TRPM3: variants seen among roughly 807,000 people sequenced by gnomAD.
The protein encoded by TRPM3 is long transient receptor potential channel 3.
In TRPM3, 77 loss-of-function variants were observed where a neutral mutation model predicts 181.2. The observed-to-expected ratio is 0.42, with a 90% CI of 0.35 to 0.51. The LOEUF (loss-of-function observed/expected upper bound fraction) is 0.51, where lower values mean the gene tolerates loss of function less well. TRPM3 is among the 20% of genes least tolerant of loss of function. The pLI, the probability that TRPM3 is intolerant of heterozygous loss-of-function variation, is 0.01. For synonymous variants in TRPM3, 745 were observed against 796.4 expected, an observed-to-expected ratio of 0.94 and a Z score of 1.09; for missense variants, 1,759 against 2,196.7, an observed-to-expected ratio of 0.80 and a Z score of 3.98.
chr9:71,134,665 C>T (rs2074655685), intron 1 of TRPM3, among the ~76,000 whole-genome samples: 1 of 152,072 alleles, frequency 6.6e-6, no homozygotes, highest in South Asian at 2.1e-4. Context: ...TTCAATCCTG[C>T]ATAATTCAAT....
At chr9:71,217,515 T>A (rs2079967290) in intron 1 of TRPM3, among the ~76,000 whole-genome samples, 1 of 152,222 alleles carries the variant, frequency 6.6e-6, no homozygotes, top group African/African-American at 2.4e-5. Context: ...CCAGAATTTC[T>A]GTCCATGGTA....
rs1206355546 is a variant in TRPM3, at chr9:70,897,121, T to C, written c.178-32610A>G. Among the ~76,000 whole-genome samples, 3 of 145,946 alleles carry C rather than the reference T, an allele frequency of 2.1e-5. No homozygotes were observed. In the East Asian group the frequency reaches 5.8e-4, roughly 28 times the overall value. ...ATTCCAGATTTTTTCTTTTAGCTATTTTGAAATATACAATAAATTCTTGTT... is the reference window on the plus strand; with the variant it reads ...ATTCCAGATTTTTTCTTTTAGCTATCTTGAAATATACAATAAATTCTTGTT... On this transcript the variant is annotated intron_variant, in intron 1 of 25. Transcript: ENST00000677713.
At position 70,611,218 on chromosome 9, in the gene TRPM3, A is replaced by G. The variant is rs2061949429; in HGVS notation, c.2527-469T>C. Among the ~76,000 whole-genome samples the G allele has an allele frequency of 2.6e-5, 4 of 151,800 alleles. No homozygotes were observed. In the Middle Eastern group the frequency reaches 0.01, roughly 387 times the overall value. ...TACCTAATTTATCCAAAGGTTGTGA[A>G]TACTCAAGAGGTAAATTATCTGCTG... is the stretch of plus-strand genomic sequence containing the variant. On this transcript the variant is annotated intron_variant, in intron 18 of 25. Transcript: ENST00000677713.
In TRPM3 at chr9:70,531,319, C is replaced by CA. The variant is rs1373751337; in HGVS notation, c.*4633_*4634insT. 2 of 151,520 alleles carry CA rather than the reference C, an allele frequency of 1.3e-5. No homozygotes were observed. Among genetic ancestry groups the CA allele is most frequent in the African/African-American group, 4.9e-5 (2 of 41,236 alleles). 9.4% of individuals were successfully genotyped at this position (151,520 alleles called of 1,614,324 possible). A position where few individuals can be genotyped will look rare whatever the true frequency, so the allele number is the denominator to read the frequency against. On this transcript the variant is annotated 3_prime_UTR_variant, in exon 26 of 26. Transcript: ENST00000677713. ...AAAAGATTTAAAAATCCCTTGGTTA[C>CA]TTTTTTTTTGTTTTTAATTTTTCAA...
chr9:70,966,901 G>T (rs1385966281), intron 1 of TRPM3, among the ~76,000 whole-genome samples: 1 of 151,932 alleles, frequency 6.6e-6, no homozygotes. Context: ...GTTTAAAAAT[G>T]ATATTTTAAA....
rs542814969 is a variant in TRPM3, at chr9:71,409,080, G to A, written c.183+37573C>T. On this transcript the variant is annotated intron_variant, in intron 1 of 24. Transcript: ENST00000357533. ...TGCTGAGCGATTTTGTCACCACCAGGCATGCCCTATAAGAGCTCTTGAAGG... is the reference window on the plus strand; with the variant it reads ...TGCTGAGCGATTTTGTCACCACCAGACATGCCCTATAAGAGCTCTTGAAGG... Among the ~76,000 whole-genome samples, 9 of 152,178 alleles carry A rather than the reference G, an allele frequency of 5.9e-5. No individual in the cohort carries two copies. The South Asian group carries it at 1.9e-3, about 32-fold the overall frequency.
intron 1 of TRPM3, among the ~76,000 whole-genome samples, chr9:71,307,471 G>A (rs963590517): frequency 3.3e-5 from 5 of 151,824 alleles, no homozygotes; most frequent in African/African-American, 1.2e-4. Context: ...AGAAATTATT[G>A]TAGTAAATTA....
At chr9:70,567,142 T>G (rs2050819938) in intron 22 of TRPM3, among the ~76,000 whole-genome samples, 1 of 152,214 alleles carries the variant, frequency 6.6e-6, no homozygotes, top group Admixed American at 6.5e-5. Context: ...GGAAAAATCC[T>G]TCTGTTCCTT....
At chr9:70,885,631 C>A (rs2096071662) in intron 1 of TRPM3, among the ~76,000 whole-genome samples, 1 of 152,164 alleles carries the variant, frequency 6.6e-6, no homozygotes, top group African/African-American at 2.4e-5. Context: ...TTTTCTCAGG[C>A]CTTCGGTGTT....
At chr9:71,445,316 A>G (rs2094189150) in intron 1 of TRPM3, among the ~76,000 whole-genome samples, 1 of 152,198 alleles carries the variant, frequency 6.6e-6, no homozygotes, top group Non-Finnish European at 1.5e-5. Flanking sequence ...TGAATTTTAT[A>G]TTTTCCACAT....
intron 1 of TRPM3, among the ~76,000 whole-genome samples, chr9:71,364,833 T>G (rs2092281130): frequency 6.6e-6 from 1 of 152,372 alleles, no homozygotes; most frequent in South Asian, 2.1e-4. Flanking sequence ...ATTAAAGATT[T>G]ACTGATACAC....
rs147815263 is a variant in TRPM3 at position 71,235,464 on chromosome 9, T to A, written c.183+211189A>T. 3.4e-3 allele frequency among the ~76,000 whole-genome samples: 512 copies of A among 152,342 alleles called. 1 individual carries two copies. The highest frequency in any genetic ancestry group is 6.8e-3 in the Middle Eastern group (2 of 294). ...TGTATCCCCAGTGCCTAGTACATAC[T>A]GGGTAATCAATATATTTATTTATTG... On this transcript the variant is annotated intron_variant, in intron 1 of 24. Transcript: ENST00000357533.
chr9:71,121,048 CA>C, intron 1 of TRPM3, 129 bp downstream of exon 1: 1 of 805,850 alleles, frequency 1.2e-6, no homozygotes, highest in East Asian at 2.7e-5. Flanking sequence ...TCTCTCCAGC[CA>C]CGGACCACAG....
At chr9:70,569,400 C>T (rs1367318810) in intron 22 of TRPM3, among the ~76,000 whole-genome samples, 2 of 152,122 alleles carry the variant, frequency 1.3e-5, no homozygotes, top group African/African-American at 4.8e-5. Flanking sequence ...TAAAATGAGG[C>T]TTATACAAGC....
chr9:71,240,158 GA>G (rs2081581397), intron 1 of TRPM3, among the ~76,000 whole-genome samples: 1 of 152,090 alleles, frequency 6.6e-6, no homozygotes, highest in Non-Finnish European at 1.5e-5. Context: ...TTTTCCTCTG[GA>G]ACTAGATGAG....
At chr9:70,745,753 C>T (rs2075042227) in intron 8 of TRPM3, among the ~76,000 whole-genome samples, 1 of 152,116 alleles carries the variant, frequency 6.6e-6, no homozygotes, top group Non-Finnish European at 1.5e-5. Context: ...AAGGCATTGG[C>T]TTGCTTCTTT....
chr9:71,267,916 G>C (rs1002949551), intron 1 of TRPM3, among the ~76,000 whole-genome samples: 1 of 152,126 alleles, frequency 6.6e-6, no homozygotes, highest in African/African-American at 2.4e-5. Flanking sequence ...AAAAAAGATA[G>C]GGATTACTTC....
intron 1 of TRPM3, among the ~76,000 whole-genome samples, chr9:71,383,950 T>C (rs1388657079): frequency 6.6e-6 from 1 of 152,216 alleles, no homozygotes. Flanking sequence ...TTAGAGTTTT[T>C]TGAAACACAC....
At chr9:71,110,238 G>A (rs753383017) in intron 1 of TRPM3, among the ~76,000 whole-genome samples, 1 of 152,112 alleles carries the variant, frequency 6.6e-6, no homozygotes, top group Non-Finnish European at 1.5e-5. Flanking sequence ...AGAACCTTAA[G>A]GATCATCTCA....
Sources: allele counts gnomAD v4.1 joint callset (sites outside exome capture counted in the v4.1 genomes callset), GRCh38; gene constraint gnomAD v4.1.1; transcripts MANE v1.5; gene names NCBI Gene and HGNC (gene_info 2026-07-23, HGNC 2026-07-21).